Variants in PALM2AKAP2 observed in about 807,000 individuals in gnomAD.
PALM2AKAP2 encodes the protein PALM2 and AKAP2 fusion.
In PALM2AKAP2, 37 loss-of-function variants were observed where a neutral mutation model predicts 71.5. The ratio of observed to expected loss-of-function variants is 0.52; its 90% CI spans 0.40 to 0.68. The LOEUF (loss-of-function observed/expected upper bound fraction) is 0.68. Among genes scored for constraint, PALM2AKAP2 ranks in the 30% least tolerant of loss-of-function variants. The pLI, the probability that PALM2AKAP2 is intolerant of heterozygous loss-of-function variation, is 0.00. For synonymous variants in PALM2AKAP2, 468 were observed against 478.8 expected (o/e 0.98, Z 0.29); for missense variants, 1,224 against 1,191.8 (o/e 1.03, Z -0.40).
intron 1 of PALM2AKAP2, among the ~76,000 whole-genome samples, chr9:109,790,274 A>G (rs913082878): frequency 2.6e-5 from 4 of 151,212 alleles, no homozygotes; most frequent in Admixed American, 6.6e-5. Flanking sequence ...TGTAAAACCT[A>G]CTCTTACTTT....
chr9:110,137,757 A>G (rs1196394070), exon 2 of PALM2AKAP2: 3 of 1,614,192 alleles, frequency 1.9e-6, no homozygotes, highest in East Asian at 2.2e-5. Flanking sequence ...GGGGCATCCA[A>G]TGAGACAACC....
chr9:110,079,857 G>T (rs188565814), intron 1 of PALM2AKAP2, among the ~76,000 whole-genome samples: 1 of 151,952 alleles, frequency 6.6e-6, no homozygotes, highest in Non-Finnish European at 1.5e-5. Flanking sequence ...AAAACCTGAG[G>T]TCAGGAGTTC....
chr9:109,926,593 T>G (rs1352993564), intron 5 of PALM2AKAP2, among the ~76,000 whole-genome samples: 1 of 152,088 alleles, frequency 6.6e-6, no homozygotes, highest in Non-Finnish European at 1.5e-5. Context: ...GCCACACAAT[T>G]AGCAATAATA....
At chr9:109,862,532 C>T (rs1410338837) in intron 1 of PALM2AKAP2, among the ~76,000 whole-genome samples, 1 of 152,070 alleles carries the variant, frequency 6.6e-6, no homozygotes, top group Non-Finnish European at 1.5e-5. Flanking sequence ...TGTGTCTGTC[C>T]CTAGAAATGT....
chr9:109,809,392 A>G (rs1473274848), intron 1 of PALM2AKAP2, among the ~76,000 whole-genome samples: 1 of 152,122 alleles, frequency 6.6e-6, no homozygotes, highest in Non-Finnish European at 1.5e-5. Flanking sequence ...TTGGAACTTT[A>G]AGGTTTAATG....
At chr9:110,140,099 A>G (rs1164552227) in intron 2 of PALM2AKAP2, among the ~76,000 whole-genome samples, 1 of 152,220 alleles carries the variant, frequency 6.6e-6, no homozygotes, top group Non-Finnish European at 1.5e-5. Flanking sequence ...ATACTGTGGT[A>G]TTCTGCAATT....
intron 2 of PALM2AKAP2, among the ~76,000 whole-genome samples, chr9:110,154,896 CTTCTTCCAAAAT>C (rs1836409195): frequency 1.3e-5 from 2 of 152,194 alleles, no homozygotes; most frequent in Non-Finnish European, 2.9e-5. Flanking sequence ...ACAAAGATAA[CTTCTTCCAAAAT>C]TCCCATTTAA....
At position 109,997,364 on chromosome 9, in the gene PALM2AKAP2, C is replaced by T. The variant is rs1390990705; in HGVS notation, c.497-18590C>T. On this transcript the variant is annotated intron_variant, in intron 6 of 9. Coordinates refer to the PALM2AKAP2 transcript ENST00000302798. Reference sequence around the variant, plus strand: ...TATGAGGATTAAGTAAGGTAATACACATAAAGGCTATATATAGTACATCCT... The same window carrying T: ...TATGAGGATTAAGTAAGGTAATACATATAAAGGCTATATATAGTACATCCT... 2.6e-5 allele frequency among the ~76,000 whole-genome samples: 4 copies of T among 152,128 alleles called. No individual in the cohort carries two copies. In the East Asian group the frequency reaches 7.7e-4, roughly 29 times the overall value.
At chr9:110,048,721 G>A in exon 1 of PALM2AKAP2, 1 of 1,547,472 alleles carries the variant, frequency 6.5e-7, no homozygotes, top group Non-Finnish European at 8.7e-7. Flanking sequence ...CCAGCCCGGG[G>A]CTGCCGCTCG....
chr9:110,096,894 G>A lies in PALM2AKAP2; in HGVS notation c.157-39233G>A, dbSNP rs545900978. Among the ~76,000 whole-genome samples the A allele has an allele frequency of 1.8e-3, 274 of 151,960 alleles. 2 individuals are homozygous for A. Among genetic ancestry groups the A allele is most frequent in the Non-Finnish European group, 2.0e-3 (139 of 67,964 alleles). On this transcript the variant is annotated intron_variant, in intron 1 of 3. Transcript: ENST00000374525. Reference sequence around the variant, plus strand: ...AATGATGTAATAAATGAGTCACGATGTCAGCCTCTTTTAACAGAATCACAG... The same window carrying A: ...AATGATGTAATAAATGAGTCACGATATCAGCCTCTTTTAACAGAATCACAG...
At chr9:110,048,696 G>A in exon 1 of PALM2AKAP2, 1 of 1,543,150 alleles carries the variant, frequency 6.5e-7, no homozygotes, top group Non-Finnish European at 8.7e-7. Context: ...ACCACTCCCT[G>A]CAGATGCGCT....
At chr9:110,091,244 A>G (rs1834698033) in intron 1 of PALM2AKAP2, among the ~76,000 whole-genome samples, 2 of 152,126 alleles carry the variant, frequency 1.3e-5, no homozygotes, top group Admixed American at 6.5e-5. Flanking sequence ...AGGTTTTTCA[A>G]GTCCACAAAG....
intron 1 of PALM2AKAP2, among the ~76,000 whole-genome samples, chr9:109,793,332 G>A (rs1380747018): frequency 6.6e-6 from 1 of 152,194 alleles, no homozygotes; most frequent in African/African-American, 2.4e-5. Context: ...AGTCTGAAAA[G>A]ACTAAACAAA....
Position 109,977,047 on chromosome 9 carries a change from A to G in PALM2AKAP2, c.497-38907A>G, listed in dbSNP as rs148592725. 2.0e-5 allele frequency among the ~76,000 whole-genome samples: 3 copies of G among 152,158 alleles called. No individual in the cohort carries two copies. In the East Asian group the frequency reaches 5.8e-4, roughly 29 times the overall value. On this transcript the variant is annotated intron_variant, in intron 6 of 9. Transcript: ENST00000302798. Reference sequence around the variant, plus strand: ...GGGCTTGTTTAAAAAAAAAAAAGCAAGCAGATTTCTAGGCCACCTTAGAAT... The same window carrying G: ...GGGCTTGTTTAAAAAAAAAAAAGCAGGCAGATTTCTAGGCCACCTTAGAAT...
chr9:109,911,999 C>T (rs1353079066), intron 3 of PALM2AKAP2, among the ~76,000 whole-genome samples: 1 of 152,030 alleles, frequency 6.6e-6, no homozygotes, highest in Non-Finnish European at 1.5e-5. Context: ...GGAAAACATT[C>T]CTAAAGAGAT....
intron 6 of PALM2AKAP2, among the ~76,000 whole-genome samples, chr9:109,935,098 T>A (rs1831192199): frequency 6.6e-6 from 1 of 152,198 alleles, no homozygotes. Context: ...AGTTCCTCCA[T>A]CCTCATGTTT....
At chr9:109,769,882 T>C (rs1400521638) in intron 1 of PALM2AKAP2, among the ~76,000 whole-genome samples, 2 of 152,108 alleles carry the variant, frequency 1.3e-5, no homozygotes, top group East Asian at 3.8e-4. Flanking sequence ...AACTACTGTA[T>C]GTAGATGCAA....
At chr9:110,121,234 T>C (rs2119006374) in intron 1 of PALM2AKAP2, among the ~76,000 whole-genome samples, 1 of 152,326 alleles carries the variant, frequency 6.6e-6, no homozygotes, top group Middle Eastern at 3.4e-3. Flanking sequence ...CTGTCTTAAA[T>C]TGTAAGTATT....
At chr9:109,706,045 T>G (rs1405278806) in intron 1 of PALM2AKAP2, among the ~76,000 whole-genome samples, 3 of 152,010 alleles carry the variant, frequency 2.0e-5, no homozygotes, top group African/African-American at 7.3e-5. Context: ...ATCAAAATCG[T>G]GTAGAAGGGA....
Sources: gnomAD v4.1 joint callset for allele counts (sites outside exome capture counted in the v4.1 genomes callset) on GRCh38, gnomAD v4.1.1 for gene constraint, MANE v1.5 for transcripts, NCBI Gene and HGNC (gene_info 2026-07-23, HGNC 2026-07-21) for gene names.